PKP4: variants seen among roughly 807,000 people sequenced by gnomAD.
PKP4 encodes plakophilin 4.
Under a neutral mutation model 145.1 loss-of-function variants are expected in PKP4, and 90 were observed. The ratio of observed to expected loss-of-function variants is 0.62; its 90% CI spans 0.52 to 0.74. The LOEUF is 0.74. Ranked by LOEUF, PKP4 falls within the 30% of genes least tolerant of loss-of-function variation. PKP4 has a pLI of 0.00. For synonymous variants in PKP4, 563 were observed against 577.2 expected (o/e 0.98, Z 0.35); for missense variants, 1,340 against 1,482.7 (o/e 0.90, Z 1.58).
chr2:158,512,394 A>G (rs1261558145), intron 1 of PKP4, among the ~76,000 whole-genome samples: 2 of 152,220 alleles, frequency 1.3e-5, no homozygotes, highest in East Asian at 3.9e-4. Flanking sequence ...TGTGGTGGTG[A>G]TACAGTGCAT....
rs1462539609 is a variant in PKP4 at position 158,578,176 on chromosome 2, T to C, written c.245+793T>C. On this transcript the variant is annotated intron_variant, in intron 3 of 21. Coordinates refer to ENST00000389759, the MANE Select transcript of PKP4 (RefSeq NM_003628.6). Reference sequence around the variant, plus strand: ...AATTATTCTACTTTTCAGTATCTTGTGTTACTCATGGGCAAAAAAACTTCT... The same window carrying C: ...AATTATTCTACTTTTCAGTATCTTGCGTTACTCATGGGCAAAAAAACTTCT... The C allele has an allele frequency of 1.3e-5, 3 of 238,182 alleles. 1 individual carries two copies. The highest frequency in any genetic ancestry group is 2.7e-5 in the Non-Finnish European group (3 of 110,008). 14.8% of individuals were successfully genotyped at this position (238,182 alleles called of 1,614,324 possible).
chr2:158,477,677 C>G (rs1460175075), intron 1 of PKP4, among the ~76,000 whole-genome samples: 1 of 152,162 alleles, frequency 6.6e-6, no homozygotes, highest in Non-Finnish European at 1.5e-5. Flanking sequence ...GCAACAATAT[C>G]CTGGTTTAAA....
chr2:158,458,963 A>T (rs1689344636), intron 1 of PKP4, among the ~76,000 whole-genome samples: 1 of 152,174 alleles, frequency 6.6e-6, no homozygotes, highest in Admixed American at 6.5e-5. Flanking sequence ...CTGCCCTACA[A>T]GTTTTAAAGA....
intron 1 of PKP4, among the ~76,000 whole-genome samples, chr2:158,482,122 G>T (rs1051135860): frequency 1.3e-5 from 2 of 152,178 alleles, no homozygotes; most frequent in African/African-American, 4.8e-5. Context: ...AAAATAAAGA[G>T]TTCAGTTACT....
chr2:158,578,369 A>G (rs1184046006), intron 3 of PKP4: 1 of 157,944 alleles, frequency 6.3e-6, no homozygotes, highest in African/African-American at 2.4e-5. Flanking sequence ...AACTTTTACA[A>G]AACAAATATA....
intron 2 of PKP4, among the ~76,000 whole-genome samples, chr2:158,576,114 G>A (rs1014815123): frequency 2.0e-5 from 3 of 152,164 alleles, no homozygotes; most frequent in Non-Finnish European, 2.9e-5. Flanking sequence ...AGGAGTTTAG[G>A]GACTGTTTCT....
intron 15 of PKP4, among the ~76,000 whole-genome samples, chr2:158,664,123 C>T (rs762566582): frequency 6.6e-6 from 1 of 152,200 alleles, no homozygotes; most frequent in Admixed American, 6.5e-5. Flanking sequence ...TGCTCCCCCA[C>T]TTCCATGGCA....
At chr2:158,481,240 G>A (rs138006571) in intron 1 of PKP4, among the ~76,000 whole-genome samples, 163 of 152,180 alleles carry the variant, frequency 1.1e-3, no homozygotes, top group African/African-American at 3.7e-3. Context: ...CTTTTTATGT[G>A]TGAATAATAT....
At chr2:158,617,084 A>G (rs1309069109) in intron 4 of PKP4, among the ~76,000 whole-genome samples, 1 of 152,210 alleles carries the variant, frequency 6.6e-6, no homozygotes, top group Non-Finnish European at 1.5e-5. Context: ...TATAGATGCA[A>G]TGTAACACTT....
chr2:158,551,821 A>AT (rs1420981771), intron 2 of PKP4, among the ~76,000 whole-genome samples: 2 of 152,226 alleles, frequency 1.3e-5, no homozygotes, highest in African/African-American at 4.8e-5. Context: ...CAGAAAAGTA[A>AT]TTTTGCAGCT....
At chr2:158,599,746 A>G (rs546262158) in intron 3 of PKP4, among the ~76,000 whole-genome samples, 2 of 152,308 alleles carry the variant, frequency 1.3e-5, no homozygotes, top group South Asian at 4.1e-4. Flanking sequence ...GGGAGCCAGA[A>G]TCTGAATCTG....
chr2:158,584,655 C>T (rs1425486438), intron 3 of PKP4, among the ~76,000 whole-genome samples: 2 of 150,988 alleles, frequency 1.3e-5, no homozygotes, highest in East Asian at 3.9e-4. Context: ...GACCCTGTCT[C>T]TACAAAAAAT....
intron 11 of PKP4, among the ~76,000 whole-genome samples, chr2:158,646,218 G>C (rs2054814418): frequency 6.6e-6 from 1 of 152,188 alleles, no homozygotes; most frequent in Non-Finnish European, 1.5e-5. Context: ...GAGACATTAA[G>C]AATTGCTTTA....
At chr2:158,554,551 G>A (rs1227909376) in intron 2 of PKP4, among the ~76,000 whole-genome samples, 2 of 151,280 alleles carry the variant, frequency 1.3e-5, no homozygotes, top group East Asian at 3.9e-4. Flanking sequence ...TCAGCCTCCC[G>A]AGTAGCTGGG....
chr2:158,643,493 T>C (rs1193943707), intron 11 of PKP4, among the ~76,000 whole-genome samples: 1 of 151,942 alleles, frequency 6.6e-6, no homozygotes, highest in Non-Finnish European at 1.5e-5. Flanking sequence ...AGAGGGTCAC[T>C]TGAGGCCAGG....
At chr2:158,516,971 A>T (rs981942818) in intron 1 of PKP4, among the ~76,000 whole-genome samples, 1 of 152,024 alleles carries the variant, frequency 6.6e-6, no homozygotes, top group African/African-American at 2.4e-5. Flanking sequence ...TACTTTTCTT[A>T]TTTTTTAATA....
chr2:158,639,668 A>T (rs1023614568), intron 9 of PKP4, among the ~76,000 whole-genome samples: 1 of 152,198 alleles, frequency 6.6e-6, no homozygotes, highest in African/African-American at 2.4e-5. Flanking sequence ...CAAACAGTAC[A>T]CCAATCAGAT....
chr2:158,545,073 CTTTTTTTTTTTTTTT>C (rs386391605), intron 2 of PKP4, among the ~76,000 whole-genome samples: 1 of 72,510 alleles, frequency 1.4e-5, no homozygotes, highest in Non-Finnish European at 2.4e-5. Context: ...AAGTCTTTCA[CTTTTTTTTTTTTTTT>C]TTTTTTTTTT....
At chr2:158,568,830 A>G (rs971023102) in intron 2 of PKP4, among the ~76,000 whole-genome samples, 2 of 152,072 alleles carry the variant, frequency 1.3e-5, no homozygotes, top group African/African-American at 4.8e-5. Flanking sequence ...AAAATTAGCC[A>G]GGCTTGGTGG....
Sources: gnomAD v4.1 joint callset for allele counts (sites outside exome capture counted in the v4.1 genomes callset) on GRCh38, gnomAD v4.1.1 for gene constraint, MANE v1.5 for transcripts, NCBI Gene and HGNC (gene_info 2026-07-23, HGNC 2026-07-21) for gene names.